Variants in ST6GALNAC3 observed in about 807,000 individuals in gnomAD.
ST6GALNAC3 encodes the protein ST6 N-acetylgalactosaminide alpha-2,6-sialyltransferase 3.
A neutral mutation model predicts 32.7 loss-of-function variants in ST6GALNAC3; 25 were observed. The observed-to-expected ratio is 0.76, with a 90% CI of 0.56 to 1.07. The LOEUF is 1.07. Among genes scored for constraint, ST6GALNAC3 ranks in the 50% least tolerant of loss-of-function variants. The probability of loss-of-function intolerance (pLI) is 0.00; values close to 1 mark genes in which losing one functional copy is unlikely to be tolerated. For synonymous variants in ST6GALNAC3, 129 were observed against 133.1 expected (o/e 0.97, Z 0.21); for missense variants, 355 against 382.4 (o/e 0.93, Z 0.60).
intron 3 of ST6GALNAC3, among the ~76,000 whole-genome samples, chr1:76,428,443 T>A (rs1655540312): frequency 6.6e-6 from 1 of 152,116 alleles, no homozygotes; most frequent in South Asian, 2.1e-4. Flanking sequence ...GTAAGAATAT[T>A]AATATGTTAT....
chr1:76,612,375 C>G (rs993901892), intron 3 of ST6GALNAC3, among the ~76,000 whole-genome samples: 2 of 152,132 alleles, frequency 1.3e-5, no homozygotes, highest in African/African-American at 4.8e-5. Context: ...GAAACAGATG[C>G]AAAAGACAAC....
intron 1 of ST6GALNAC3, among the ~76,000 whole-genome samples, chr1:76,172,794 C>G (rs1320206257): frequency 6.6e-6 from 1 of 152,140 alleles, no homozygotes; most frequent in Non-Finnish European, 1.5e-5. Flanking sequence ...GTGAAGACCT[C>G]TTCAAGGAGA....
At chr1:76,242,867 G>T (rs1657047438) in intron 1 of ST6GALNAC3, among the ~76,000 whole-genome samples, 1 of 152,140 alleles carries the variant, frequency 6.6e-6, no homozygotes, top group Non-Finnish European at 1.5e-5. Context: ...GTGGGCATTT[G>T]GGTTGGTTCC....
intron 1 of ST6GALNAC3, among the ~76,000 whole-genome samples, chr1:76,089,206 TTTTA>T (rs779509892): frequency 4.4e-4 from 67 of 152,066 alleles, no homozygotes; most frequent in Middle Eastern, 3.4e-3. Context: ...TTTTATTTTA[TTTTA>T]TTTATTTATT....
intron 1 of ST6GALNAC3, among the ~76,000 whole-genome samples, chr1:76,302,417 A>G (rs945505125): frequency 6.6e-6 from 1 of 151,978 alleles, no homozygotes. Flanking sequence ...GCCTTTCTGA[A>G]TGGAAGCTTT....
At chr1:76,207,625 T>A (rs1222441344) in intron 1 of ST6GALNAC3, among the ~76,000 whole-genome samples, 1 of 152,160 alleles carries the variant, frequency 6.6e-6, no homozygotes, top group African/African-American at 2.4e-5. Flanking sequence ...CCCACACCGG[T>A]GATCATGGCA....
At chr1:76,614,959 G>A (rs769867693) in intron 3 of ST6GALNAC3, among the ~76,000 whole-genome samples, 130 of 151,992 alleles carry the variant, frequency 8.6e-4, no homozygotes, top group Non-Finnish European at 1.5e-3. Context: ...TGGCATTGGT[G>A]GCTAGAATAA....
chr1:76,131,998 G>A (rs1557642174), intron 1 of ST6GALNAC3, among the ~76,000 whole-genome samples: 1 of 152,100 alleles, frequency 6.6e-6, no homozygotes, highest in Non-Finnish European at 1.5e-5. Flanking sequence ...TTTTCTATGG[G>A]CTACCATGCC....
intron 3 of ST6GALNAC3, among the ~76,000 whole-genome samples, chr1:76,529,862 G>A (rs781378806): frequency 2.0e-4 from 30 of 152,194 alleles, no homozygotes; most frequent in Middle Eastern, 3.4e-3. Flanking sequence ...CAAACATTGG[G>A]GTGGATGATA....
rs201753659 is a variant in ST6GALNAC3, at chr1:76,082,537, G to T, written c.18+7653G>T. On this transcript the variant is annotated intron_variant, in intron 1 of 4. Coordinates refer to ENST00000328299, the MANE Select transcript of ST6GALNAC3 (RefSeq NM_152996.4). ...TAGGAAAAGGTTCAAATGAGGTGAA[G>T]GGATTATCTGCGCTTTCTCTATTGC... Among the ~76,000 whole-genome samples the T allele has an allele frequency of 6.6e-5, 10 of 152,308 alleles. No homozygotes were observed. The East Asian group carries it at 9.7e-4, about 15-fold the overall frequency.
At chr1:76,236,983 C>T (rs1268607536) in intron 1 of ST6GALNAC3, among the ~76,000 whole-genome samples, 1 of 152,068 alleles carries the variant, frequency 6.6e-6, no homozygotes, top group Non-Finnish European at 1.5e-5. Flanking sequence ...AATCCCAGTC[C>T]AATAAAACCT....
At chr1:76,315,973 C>G (rs1646856971) in intron 2 of ST6GALNAC3, among the ~76,000 whole-genome samples, 1 of 152,114 alleles carries the variant, frequency 6.6e-6, no homozygotes, top group South Asian at 2.1e-4. Flanking sequence ...AGATCCTGGA[C>G]TTGGGGGAAT....
chr1:76,293,535 A>T (rs1444757107), intron 1 of ST6GALNAC3, among the ~76,000 whole-genome samples: 1 of 152,230 alleles, frequency 6.6e-6, no homozygotes, highest in Admixed American at 6.5e-5. Flanking sequence ...GTTAATAGAA[A>T]CACTCATATT....
intron 3 of ST6GALNAC3, among the ~76,000 whole-genome samples, chr1:76,502,381 TG>T (rs1308942080): frequency 2.0e-5 from 3 of 152,202 alleles, no homozygotes; most frequent in African/African-American, 7.2e-5. Context: ...GACCACAAAC[TG>T]GGTGCCTGAA....
chr1:76,345,006 C>T (rs544409744), intron 2 of ST6GALNAC3, among the ~76,000 whole-genome samples: 1 of 152,172 alleles, frequency 6.6e-6, no homozygotes, highest in African/African-American at 2.4e-5. Flanking sequence ...TACCTGTCTT[C>T]GCAGACCCTC....
intron 1 of ST6GALNAC3, among the ~76,000 whole-genome samples, chr1:76,127,264 A>G (rs1012798995): frequency 6.6e-6 from 1 of 152,180 alleles, no homozygotes; most frequent in Non-Finnish European, 1.5e-5. Flanking sequence ...GTTTTTAATC[A>G]GCATGAAAAG....
At chr1:76,136,568 T>G (rs1185651334) in intron 1 of ST6GALNAC3, among the ~76,000 whole-genome samples, 1 of 151,804 alleles carries the variant, frequency 6.6e-6, no homozygotes, top group Non-Finnish European at 1.5e-5. Flanking sequence ...TGTGTATGTG[T>G]GTGTGTGTGC....
At chr1:76,406,347 G>T (rs558845366) in intron 2 of ST6GALNAC3, among the ~76,000 whole-genome samples, 33 of 152,072 alleles carry the variant, frequency 2.2e-4, no homozygotes, top group Middle Eastern at 3.4e-3. Flanking sequence ...ATCTGCCATG[G>T]TCTTTTTTGC....
intron 3 of ST6GALNAC3, among the ~76,000 whole-genome samples, chr1:76,583,941 G>A (rs1182382768): frequency 6.6e-6 from 1 of 152,108 alleles, no homozygotes; most frequent in Non-Finnish European, 1.5e-5. Context: ...TCAGGTAAAA[G>A]TCTACAAAGC....
Sources: gnomAD v4.1 joint callset for allele counts (sites outside exome capture counted in the v4.1 genomes callset) on GRCh38, gnomAD v4.1.1 for gene constraint, MANE v1.5 for transcripts, NCBI Gene and HGNC (gene_info 2026-07-23, HGNC 2026-07-21) for gene names.